CRACDL: variants seen among roughly 807,000 people sequenced by gnomAD.
CRACDL encodes CRACD like.
In CRACDL, 26 loss-of-function variants were observed where a neutral mutation model predicts 70.6. The ratio of observed to expected loss-of-function variants is 0.37; its 90% CI spans 0.27 to 0.51. The LOEUF (loss-of-function observed/expected upper bound fraction) is 0.51. CRACDL is among the 20% of genes least tolerant of loss of function. The pLI is 0.94. For missense variants in CRACDL, 1,283 were observed against 1,376.9 expected, an observed-to-expected ratio of 0.93 and a Z score of 1.08; for synonymous variants, 618 against 615.2, an observed-to-expected ratio of 1.00 and a Z score of -0.07.
At position 98,822,562 on chromosome 2, in the gene CRACDL, C is replaced by G; in HGVS notation, c.1711G>C (p.Ala571Pro). Reference sequence around the variant, plus strand: ...CACGAGGACACCGAGAACTTCTTCGCGCCTCGCAGCTCGGCACCGCCCCTC... The same window carrying G: ...CACGAGGACACCGAGAACTTCTTCGGGCCTCGCAGCTCGGCACCGCCCCTC... Reference protein sequence around the residue: ...AERGGAELRGAKKFSVSSCRA... With the variant: ...AERGGAELRGPKKFSVSSCRA... Residue 571 changes from alanine to proline, a missense_variant, in exon 7 of 10, where the codon GCG becomes CCG. Coordinates refer to ENST00000397899, the MANE Select transcript of CRACDL (RefSeq NM_207362.3). This position sits in a 1 kb window ranked among gnomAD's most constrained non-coding sequence, Gnocchi z 4.9. 6.8e-7 allele frequency: 1 copy of G among 1,464,234 alleles called. No homozygotes were observed. Among genetic ancestry groups the G allele is most frequent in the Non-Finnish European group, 9.0e-7 (1 of 1,115,832 alleles). 90.7% of individuals were successfully genotyped at this position (1,464,234 alleles called of 1,614,324 possible).
chr2:98,885,485 T>A (rs1015864768), intron 1 of CRACDL, among the ~76,000 whole-genome samples: 1 of 152,194 alleles, frequency 6.6e-6, no homozygotes, highest in Non-Finnish European at 1.5e-5. Context: ...AATGATGCTG[T>A]TGGATGCTAA....
intron 2 of CRACDL, among the ~76,000 whole-genome samples, chr2:98,846,526 CA>C (rs1285721977): frequency 1.3e-5 from 2 of 152,214 alleles, no homozygotes; most frequent in African/African-American, 2.4e-5. Flanking sequence ...GACACAGAAG[CA>C]GAGGAAATCT....
intron 7 of CRACDL, among the ~76,000 whole-genome samples, chr2:98,805,553 C>A (rs1407487046): frequency 6.6e-6 from 1 of 152,198 alleles, no homozygotes; most frequent in Non-Finnish European, 1.5e-5. Context: ...TCCACACAAT[C>A]TCCCTCCTCC....
chr2:98,918,534 T>C (rs1044822548), intron 1 of CRACDL, among the ~76,000 whole-genome samples: 13 of 91,440 alleles, frequency 1.4e-4, no homozygotes, highest in African/African-American at 1.9e-4. Context: ...CAAGATGTTG[T>C]CTACCAAAAA....
rs773792875 is a variant in CRACDL at position 98,827,028 on chromosome 2, G to T, written c.682C>A (p.Leu228Ile). ...CLDNSAAKHK[L>I]QVKPRNQRSS... ...CGCTGGTTGCGGGGCTTGACCTGGA[G>T]CTTGTGCTTAGCTGCAGAGTTGTCC... Residue 228 changes from leucine (L) to isoleucine (I), a missense_variant, in exon 6 of 10, where the codon CTC becomes ATC. This residue lies in a region of CRACDL where 362 missense variants were observed against 495.0 expected (regional missense o/e 0.73). Transcript: ENST00000397899. The T allele has an allele frequency of 4.3e-6, 7 of 1,614,014 alleles. No individual in the cohort carries two copies. Among genetic ancestry groups the T allele is most frequent in the African/African-American group, 1.3e-5 (1 of 74,920 alleles).
chr2:98,821,492 G>C (rs180738218), intron 7 of CRACDL, among the ~76,000 whole-genome samples: 48 of 152,332 alleles, frequency 3.2e-4, no homozygotes, highest in African/African-American at 1.1e-3. Flanking sequence ...CCTTACTCTA[G>C]ATTAGGGGTG....
Position 98,794,409 on chromosome 2 carries a change from C to T in CRACDL, c.*123G>A, listed in dbSNP as rs1395141633. The T allele has an allele frequency of 7.9e-6, 7 of 890,840 alleles. No individual in the cohort carries two copies. Among genetic ancestry groups the T allele is most frequent in the East Asian group, 4.9e-5 (2 of 40,444 alleles). 55.2% of individuals were successfully genotyped at this position (890,840 alleles called of 1,614,324 possible). A position where few individuals can be genotyped will look rare whatever the true frequency, so the allele number is the denominator to read the frequency against. ...CTGGTTCCTTCCTCTTCCCCAAGTT[C>T]GTCATAACTTGATGATAAAATCAAT... On this transcript the variant is annotated 3_prime_UTR_variant, in exon 10 of 10. Transcript: ENST00000397899.
chr2:98,889,424 A>G (rs574212582), intron 1 of CRACDL, among the ~76,000 whole-genome samples: 2 of 152,332 alleles, frequency 1.3e-5, no homozygotes, highest in African/African-American at 4.8e-5. Flanking sequence ...AAATTACTAC[A>G]GACAAAGTGG....
intron 1 of CRACDL, among the ~76,000 whole-genome samples, chr2:98,864,808 A>G (rs970575182): frequency 2.1e-4 from 32 of 152,156 alleles, no homozygotes; most frequent in African/African-American, 7.2e-4. Flanking sequence ...TGGCCTCCCA[A>G]AGTGCTGGGA....
At chr2:98,797,063 G>A (rs1447808452) in intron 8 of CRACDL, among the ~76,000 whole-genome samples, 1 of 152,238 alleles carries the variant, frequency 6.6e-6, no homozygotes, top group African/African-American at 2.4e-5. Context: ...TGCCAAGGAG[G>A]CAGGGAGTAG....
chr2:98,825,822 T>C (rs1224040599), intron 6 of CRACDL, among the ~76,000 whole-genome samples: 1 of 152,240 alleles, frequency 6.6e-6, no homozygotes, highest in Non-Finnish European at 1.5e-5. Flanking sequence ...AAAAGTCTAC[T>C]CTGCTGGCAT....
chr2:98,839,535 G>C (rs1370717928), intron 2 of CRACDL, among the ~76,000 whole-genome samples: 1 of 152,176 alleles, frequency 6.6e-6, no homozygotes, highest in Non-Finnish European at 1.5e-5. Context: ...TCAATATCAT[G>C]ACCATCAAAA....
intron 7 of CRACDL, among the ~76,000 whole-genome samples, chr2:98,817,458 A>G (rs1704830978): frequency 6.6e-6 from 1 of 152,224 alleles, no homozygotes; most frequent in Non-Finnish European, 1.5e-5. Context: ...TTCTAACCCA[A>G]ATGAATTTGA....
chr2:98,799,862 T>TG (rs1289440733), intron 7 of CRACDL, among the ~76,000 whole-genome samples: 1 of 152,144 alleles, frequency 6.6e-6, no homozygotes, highest in Non-Finnish European at 1.5e-5. Flanking sequence ...CCTGTCCTCC[T>TG]GGGGCATCCC....
chr2:98,922,033 T>C (rs914171945), intron 1 of CRACDL, among the ~76,000 whole-genome samples: 1 of 152,266 alleles, frequency 6.6e-6, no homozygotes. Flanking sequence ...TAGTATATAT[T>C]AAAACATTTT....
At chr2:98,875,060 CATA>C (rs1276039498) in intron 1 of CRACDL, among the ~76,000 whole-genome samples, 2 of 152,222 alleles carry the variant, frequency 1.3e-5, no homozygotes, top group Admixed American at 1.3e-4. Context: ...ACACAGTCTG[CATA>C]ATAAGCATCT....
chr2:98,832,506 T>C lies in CRACDL; in HGVS notation c.382A>G (p.Ile128Val). The C allele has an allele frequency of 6.3e-7, 1 of 1,591,972 alleles. No individual in the cohort carries two copies. Among genetic ancestry groups the C allele is most frequent in the Non-Finnish European group, 8.6e-7 (1 of 1,168,906 alleles). The part of the protein sequence containing the change: ...CDRIKALQLK[I>V]QCNVKMGPPP... Reference sequence around the variant, plus strand: ...GGCCCCATTTTCACATTACACTGTATTTTTAACTAGATTGGAATAAAGAAC... The same window carrying C: ...GGCCCCATTTTCACATTACACTGTACTTTTAACTAGATTGGAATAAAGAAC... Residue 128 changes from isoleucine (I) to valine (V), a missense_variant, in exon 5 of 10, where the codon ATA becomes GTA. Ile to Val is a conservative substitution (Grantham distance 29). This residue lies in a region of CRACDL where 362 missense variants were observed against 495.0 expected (regional missense o/e 0.73). Transcript: ENST00000397899.
intron 1 of CRACDL, among the ~76,000 whole-genome samples, chr2:98,885,231 G>A (rs1015916294): frequency 2.6e-5 from 4 of 152,136 alleles, no homozygotes; most frequent in African/African-American, 7.2e-5. Context: ...AACTATGAAG[G>A]GTGTGTGAGA....
chr2:98,883,162 G>A (rs1169769512), intron 1 of CRACDL, among the ~76,000 whole-genome samples: 3 of 152,228 alleles, frequency 2.0e-5, no homozygotes, highest in African/African-American at 7.2e-5. Context: ...GGGAAAGGAA[G>A]CCTTTGGATG....
Sources: allele counts gnomAD v4.1 joint callset (sites outside exome capture counted in the v4.1 genomes callset), GRCh38; gene constraint gnomAD v4.1.1; regional missense constraint gnomAD v4.1.1; non-coding constraint Gnocchi (gnomAD v3.1); transcripts MANE v1.5; gene names NCBI Gene and HGNC (gene_info 2026-07-23, HGNC 2026-07-21).